The following ROCK2 variants were observed in gnomAD, a reference collection of about 807,000 sequenced individuals.
ROCK2 encodes the protein rho-associated protein kinase 2.
A neutral mutation model predicts 195.1 loss-of-function variants in ROCK2; 61 were observed. The observed-to-expected ratio is 0.31, with a 90% CI of 0.25 to 0.39. The LOEUF (loss-of-function observed/expected upper bound fraction) is 0.39, where lower values mean the gene tolerates loss of function less well. Among genes scored for constraint, ROCK2 ranks in the 10% least tolerant of loss-of-function variants. ROCK2 has a pLI of 1.00. For synonymous variants in ROCK2, 504 were observed against 545.5 expected (o/e 0.92, Z 1.06); for missense variants, 1,109 against 1,637.4 (o/e 0.68, Z 5.57).
intron 3 of ROCK2, 69 bp from the exon 4 acceptor site, chr2:11,249,867 A>G (rs1665766125): frequency 1.6e-6 from 2 of 1,229,284 alleles, no homozygotes; most frequent in Non-Finnish European, 1.1e-6. Flanking sequence ...AGATGATACT[A>G]TAATGCTATT....
intron 4 of ROCK2, among the ~76,000 whole-genome samples, chr2:11,237,647 A>G (rs1041769275): frequency 2.0e-5 from 3 of 152,258 alleles, no homozygotes; most frequent in Non-Finnish European, 4.4e-5. Context: ...CAACATAGCT[A>G]TATCTTCAAA....
intron 4 of ROCK2, among the ~76,000 whole-genome samples, chr2:11,246,362 G>C (rs1477889127): frequency 6.6e-6 from 1 of 152,068 alleles, no homozygotes; most frequent in Non-Finnish European, 1.5e-5. Flanking sequence ...TACATTGAGA[G>C]ATTTAAAAGA....
chr2:11,336,225 C>G (rs570142681), intron 1 of ROCK2, among the ~76,000 whole-genome samples: 4 of 152,280 alleles, frequency 2.6e-5, no homozygotes, highest in African/African-American at 9.6e-5. Context: ...GTTGTCACTT[C>G]CCTCAGGTAC....
intron 3 of ROCK2, among the ~76,000 whole-genome samples, chr2:11,254,483 G>A (rs534085708): frequency 6.6e-6 from 1 of 152,194 alleles, no homozygotes; most frequent in South Asian, 2.1e-4. Flanking sequence ...CTAAAGGCTG[G>A]GCTACCCAGA....
chr2:11,311,645 G>C (rs1490927042), intron 1 of ROCK2, among the ~76,000 whole-genome samples: 1 of 152,122 alleles, frequency 6.6e-6, no homozygotes, highest in African/African-American at 2.4e-5. Context: ...TCCTCCTGAA[G>C]ACAATGTTAC....
At chr2:11,202,390 T>C (rs1663889289) in intron 20 of ROCK2, among the ~76,000 whole-genome samples, 1 of 152,102 alleles carries the variant, frequency 6.6e-6, no homozygotes, top group African/African-American at 2.4e-5. Context: ...TGTTCCTGTG[T>C]TTTAAAGTTT....
rs147240766 is a variant in ROCK2, at chr2:11,253,640, T to C, written c.325-3842A>G. 3.0e-3 allele frequency among the ~76,000 whole-genome samples: 463 copies of C among 152,392 alleles called. 2 individuals carry two copies. The highest frequency in any genetic ancestry group is 9.9e-3 in the African/African-American group (412 of 41,604). ...ATGGGGATTATGCATGCCTATTTTGTTCTCCATTATATCCCTAGTGCCAAG... is the reference window on the plus strand; with the variant it reads ...ATGGGGATTATGCATGCCTATTTTGCTCTCCATTATATCCCTAGTGCCAAG... On this transcript the variant is annotated intron_variant, in intron 3 of 32. Coordinates refer to ENST00000315872, the MANE Select transcript of ROCK2 (RefSeq NM_004850.5).
intron 3 of ROCK2, among the ~76,000 whole-genome samples, chr2:11,282,660 T>C (rs13002722): frequency 0.74 from 109,554 of 148,696 alleles, 42,068 homozygotes; most frequent in East Asian, 0.94. Flanking sequence ...GAGGATAGCA[T>C]AGGAGAAAAC....
chr2:11,210,541 A>G (rs868624095), intron 18 of ROCK2, among the ~76,000 whole-genome samples: 99 of 152,152 alleles, frequency 6.5e-4, no homozygotes, highest in African/African-American at 2.3e-3. Context: ...GGGTCTTGCT[A>G]TGTTGCCCAT....
chr2:11,199,486 T>TA (rs1313560088), intron 23 of ROCK2, among the ~76,000 whole-genome samples: 30 of 149,478 alleles, frequency 2.0e-4, no homozygotes, highest in Middle Eastern at 3.4e-3. Flanking sequence ...CACACCTGGA[T>TA]AAAAAAAATT....
At chr2:11,307,315 TTTTG>T (rs1464166670) in intron 1 of ROCK2, among the ~76,000 whole-genome samples, 4 of 152,212 alleles carry the variant, frequency 2.6e-5, no homozygotes, top group Non-Finnish European at 5.9e-5. Flanking sequence ...AACATTATCT[TTTTG>T]TTTATTTGTT....
At chr2:11,317,966 T>C (rs1221426292) in intron 1 of ROCK2, among the ~76,000 whole-genome samples, 3 of 152,160 alleles carry the variant, frequency 2.0e-5, no homozygotes, top group African/African-American at 4.8e-5. Flanking sequence ...TATGGCTGCA[T>C]TGTATTCCAT....
intron 7 of ROCK2, among the ~76,000 whole-genome samples, chr2:11,222,735 A>G (rs1664679714): frequency 6.6e-6 from 1 of 152,140 alleles, no homozygotes; most frequent in Non-Finnish European, 1.5e-5. Context: ...TGAGTCTTCA[A>G]TGAAGACTGT....
In ROCK2 at chr2:11,214,733, AATAGT is replaced by A. The variant is rs1292441444; in HGVS notation, c.1936+102_1936+106del. 1.3e-5 allele frequency: 13 copies of A among 1,004,530 alleles called. No individual in the cohort carries two copies. The African/African-American group carries it at 1.3e-4, about 10-fold the overall frequency. 62.2% of individuals were successfully genotyped at this position (1,004,530 alleles called of 1,614,324 possible). Reference sequence around the variant, plus strand: ...TATTTCTAATATTCTAACTTTACATAATAGTATATTCAGAAATGTCCAATCCAGCA... The same window carrying A: ...TATTTCTAATATTCTAACTTTACATAATATTCAGAAATGTCCAATCCAGCA... On this transcript the variant is annotated intron_variant, in intron 16 of 32. Transcript: ENST00000315872.
chr2:11,237,923 AC>A (rs1386669010), intron 4 of ROCK2, among the ~76,000 whole-genome samples: 18 of 152,286 alleles, frequency 1.2e-4, no homozygotes, highest in African/African-American at 4.3e-4. Flanking sequence ...TACTAAAATT[AC>A]AAAAATGAGC....
chr2:11,234,307 A>C (rs1665127318), intron 5 of ROCK2: 3 of 152,202 alleles, frequency 2.0e-5, no homozygotes, highest in Middle Eastern at 3.4e-3. Context: ...CCCTAAAAAT[A>C]TGTGGTATGA....
At chr2:11,333,260 T>C (rs1668823246) in intron 1 of ROCK2, among the ~76,000 whole-genome samples, 2 of 152,334 alleles carry the variant, frequency 1.3e-5, no homozygotes, top group East Asian at 3.9e-4. Flanking sequence ...ACCACCAGAC[T>C]TTTATTTCAG....
At chr2:11,233,147 C>G (rs72787609) in intron 5 of ROCK2, among the ~76,000 whole-genome samples, 73 of 152,186 alleles carry the variant, frequency 4.8e-4, no homozygotes, top group African/African-American at 1.8e-3. Context: ...CCAGGGGTTT[C>G]GGGCTACAGT....
At chr2:11,224,490 G>T (rs373953332) in intron 6 of ROCK2, 30 bp from the exon 7 acceptor site, 3 of 1,598,792 alleles carry the variant, frequency 1.9e-6, no homozygotes, top group African/African-American at 2.7e-5. Flanking sequence ...GATACTGAAT[G>T]TAACAGAGAA....
Sources: gnomAD v4.1 joint callset for allele counts (sites outside exome capture counted in the v4.1 genomes callset) on GRCh38, gnomAD v4.1.1 for gene constraint, MANE v1.5 for transcripts, NCBI Gene and HGNC (gene_info 2026-07-23, HGNC 2026-07-21) for gene names.